ZC3HAV1: variants seen among roughly 807,000 people sequenced by gnomAD.
The protein encoded by ZC3HAV1 is zinc finger CCCH-type antiviral protein 1.
Under a neutral mutation model 86.6 loss-of-function variants are expected in ZC3HAV1, and 41 were observed. The ratio of observed to expected loss-of-function variants is 0.47; its 90% CI spans 0.37 to 0.61. The LOEUF (loss-of-function observed/expected upper bound fraction) is 0.61, where lower values mean the gene tolerates loss of function less well. Ranked by LOEUF, ZC3HAV1 falls within the 20% of genes least tolerant of loss-of-function variation. The pLI, the probability that ZC3HAV1 is intolerant of heterozygous loss-of-function variation, is 0.00. For synonymous variants in ZC3HAV1, 421 were observed against 432.1 expected (o/e 0.97, Z 0.32); for missense variants, 964 against 1,141.1 (o/e 0.84, Z 2.24).
intron 2 of ZC3HAV1, among the ~76,000 whole-genome samples, chr7:139,085,253 A>C (rs993681020): frequency 6.6e-6 from 1 of 152,224 alleles, no homozygotes; most frequent in African/African-American, 2.4e-5. Flanking sequence ...CACCATTAGC[A>C]ACTTCACAAA....
chr7:139,089,665 C>T lies in ZC3HAV1; in HGVS notation c.403G>A (p.Ala135Thr). Residue 135 changes from alanine to threonine, a missense_variant, in exon 2 of 13, where the codon GCA becomes ACA. Physicochemically the swap from Ala to Thr is moderately conservative, Grantham distance 58. Transcript: ENST00000242351. ...GGATCACTTTGGAGGAGGAGCACTGCTAATTCCTCTTTGTTCAGTCCAGAG... is the reference window on the plus strand; with the variant it reads ...GGATCACTTTGGAGGAGGAGCACTGTTAATTCCTCTTTGTTCAGTCCAGAG... ...ELSGLNKEEL[A>T]VLLLQSDPFF... The T allele has an allele frequency of 6.2e-7, 1 of 1,612,552 alleles. No homozygotes were observed. The highest frequency in any genetic ancestry group is 8.5e-7 in the Non-Finnish European group (1 of 1,179,420).
intron 1 of ZC3HAV1, among the ~76,000 whole-genome samples, chr7:139,102,728 TACAC>T (rs113108708): frequency 0.064 from 8,926 of 139,266 alleles, 315 homozygotes; most frequent in Middle Eastern, 0.12. Flanking sequence ...ACTGTCTCTA[TACAC>T]ACACACACAC....
At position 139,058,444 on chromosome 7, in the gene ZC3HAV1, C is replaced by A. The variant is rs919669984; in HGVS notation, c.2096+2592G>T. Among the ~76,000 whole-genome samples the A allele has an allele frequency of 3.7e-3, 445 of 121,086 alleles. 1 individual carries two copies. The highest frequency in any genetic ancestry group is 0.016 in the African/African-American group (423 of 26,476). The allele number at this position is 121,086 out of a possible 152,430, so 79.4% of individuals were successfully genotyped here. On this transcript the variant is annotated intron_variant, in intron 9 of 12. Coordinates refer to ENST00000242351, the MANE Select transcript of ZC3HAV1 (RefSeq NM_020119.4). Reference sequence around the variant, plus strand: ...ACCCCAGCAACCTAACCCCCAACCCCCCCCCCCCCCACAAAAAAACACCAA... The same window carrying A: ...ACCCCAGCAACCTAACCCCCAACCCACCCCCCCCCCACAAAAAAACACCAA...
At chr7:139,058,602 A>G (rs544797632) in intron 9 of ZC3HAV1, among the ~76,000 whole-genome samples, 6 of 152,312 alleles carry the variant, frequency 3.9e-5, no homozygotes, top group Admixed American at 1.3e-4. Context: ...GGTAAGTACT[A>G]TAAGGGAATC....
intron 8 of ZC3HAV1, among the ~76,000 whole-genome samples, chr7:139,062,227 CCACA>C (rs10547164): frequency 0.041 from 6,076 of 148,876 alleles, 385 homozygotes; most frequent in African/African-American, 0.14. Flanking sequence ...CAAACATAAA[CCACA>C]CACACACACA....
rs765498370 is a variant in ZC3HAV1, at chr7:139,079,908, C to G, written c.1033G>C (p.Gly345Arg). Residue 345 changes from glycine to arginine, a missense_variant, in exon 4 of 13, where the codon GGC (glycine) becomes CGC (arginine). Transcript: ENST00000242351. Reference sequence around the variant, plus strand: ...GAATTGGAAGCAAGGTAAGTGCTGCCTGGATTTCCATGCAAGAGGTCCTCT... The same window carrying G: ...GAATTGGAAGCAAGGTAAGTGCTGCGTGGATTTCCATGCAAGAGGTCCTCT... ...SQEDLLHGNPGSTYLASNSTS... is the reference protein window; with the variant it reads ...SQEDLLHGNPRSTYLASNSTS... The G allele has an allele frequency of 4.3e-6, 7 of 1,614,168 alleles. No individual in the cohort carries two copies. Among genetic ancestry groups the G allele is most frequent in the Non-Finnish European group, 5.9e-6 (7 of 1,180,034 alleles).
chr7:139,078,236 C>A (rs145570612), intron 5 of ZC3HAV1, among the ~76,000 whole-genome samples: 36 of 152,260 alleles, frequency 2.4e-4, no homozygotes, highest in African/African-American at 8.2e-4. Context: ...GAGACTCCGT[C>A]TCAAAACAAA....
intron 12 of ZC3HAV1, among the ~76,000 whole-genome samples, chr7:139,052,248 T>C (rs1395463640): frequency 6.6e-6 from 1 of 150,904 alleles, no homozygotes; most frequent in Non-Finnish European, 1.5e-5. Context: ...CACGTAGCAT[T>C]AGGTATATCT....
At chr7:139,055,134 C>G (rs1469010164) in intron 10 of ZC3HAV1, 71 bp downstream of exon 10, 18 of 1,366,272 alleles carry the variant, frequency 1.3e-5, no homozygotes, top group Admixed American at 3.5e-5. Flanking sequence ...CAGACAAACA[C>G]ATACACTTGT....
At chr7:139,107,534 G>T (rs1302185338) in intron 1 of ZC3HAV1, among the ~76,000 whole-genome samples, 1 of 152,200 alleles carries the variant, frequency 6.6e-6, no homozygotes, top group Non-Finnish European at 1.5e-5. Context: ...CGGACTTGGT[G>T]GCTTATGCCT....
chr7:139,072,722 C>A (rs980096947), intron 7 of ZC3HAV1, among the ~76,000 whole-genome samples: 2 of 152,120 alleles, frequency 1.3e-5, no homozygotes, highest in Non-Finnish European at 2.9e-5. Context: ...TCCTTTAAGT[C>A]CATCTAAATC....
intron 2 of ZC3HAV1, 73 bp from the exon 3 acceptor site, chr7:139,084,105 T>A: frequency 6.4e-7 from 1 of 1,558,300 alleles, no homozygotes; most frequent in Non-Finnish European, 8.7e-7. Context: ...TAAGGCAAGC[T>A]CACGTGTGCA....
At chr7:139,053,863 G>T in intron 11 of ZC3HAV1, 102 bp downstream of exon 11, 5 of 1,336,692 alleles carry the variant, frequency 3.7e-6, no homozygotes, top group Non-Finnish European at 4.0e-6. Flanking sequence ...TAAAGGAACT[G>T]TTAACTACTA....
chr7:139,088,557 A>T (rs566621876), intron 2 of ZC3HAV1, among the ~76,000 whole-genome samples: 24 of 152,362 alleles, frequency 1.6e-4, no homozygotes, highest in African/African-American at 5.8e-4. Context: ...CATTTTGAAG[A>T]TAACAGAGCT....
At chr7:139,067,518 A>C (rs114641517) in intron 7 of ZC3HAV1, among the ~76,000 whole-genome samples, 1 of 152,168 alleles carries the variant, frequency 6.6e-6, no homozygotes, top group African/African-American at 2.4e-5. Context: ...AAATTGACAT[A>C]AGACCACAAC....
At chr7:139,059,259 G>T (rs1460408795) in intron 9 of ZC3HAV1, among the ~76,000 whole-genome samples, 1 of 152,138 alleles carries the variant, frequency 6.6e-6, no homozygotes, top group Non-Finnish European at 1.5e-5. Flanking sequence ...GAGGGCATGA[G>T]ATTTACTCCT....
chr7:139,092,019 G>T (rs1158522988), intron 1 of ZC3HAV1, among the ~76,000 whole-genome samples: 1 of 152,154 alleles, frequency 6.6e-6, no homozygotes, highest in African/African-American at 2.4e-5. Flanking sequence ...GGTTTAGAAA[G>T]GGGAGGGGGG....
chr7:139,091,318 G>A (rs1333769155), intron 1 of ZC3HAV1, among the ~76,000 whole-genome samples: 6 of 152,166 alleles, frequency 3.9e-5, no homozygotes, highest in Non-Finnish European at 7.3e-5. Flanking sequence ...CTAACACTGT[G>A]AAACCACGTG....
intron 1 of ZC3HAV1, among the ~76,000 whole-genome samples, chr7:139,101,895 A>C (rs1387535981): frequency 6.6e-6 from 1 of 151,978 alleles, no homozygotes; most frequent in Non-Finnish European, 1.5e-5. Context: ...TCCTCTGCCT[A>C]GGAAAACCAG....
Sources: allele counts gnomAD v4.1 joint callset (sites outside exome capture counted in the v4.1 genomes callset), GRCh38; gene constraint gnomAD v4.1.1; transcripts MANE v1.5; gene names NCBI Gene and HGNC (gene_info 2026-07-23, HGNC 2026-07-21).